Variants in SLC24A2 observed in about 807,000 individuals in gnomAD.
The protein encoded by SLC24A2 is solute carrier family 24 member 2.
A neutral mutation model predicts 62.0 loss-of-function variants in SLC24A2; 36 were observed. The ratio of observed to expected loss-of-function variants is 0.58; its 90% confidence interval spans 0.44 to 0.77. The LOEUF (loss-of-function observed/expected upper bound fraction) is 0.77. Among genes scored for constraint, SLC24A2 ranks in the 30% least tolerant of loss-of-function variants. SLC24A2 has a pLI of 0.00. For missense variants in SLC24A2, 846 were observed against 817.9 expected (o/e 1.03, Z -0.42); for synonymous variants, 358 against 294.0 (o/e 1.22, Z -2.23).
chr9:19,877,913 A>C, the SLC24A2 span, among the ~76,000 whole-genome samples: 1 of 151,968 alleles, frequency 6.6e-6, no homozygotes, highest in Non-Finnish European at 1.5e-5. Context: ...TTATTTTCTT[A>C]TTACTTATTC....
intron 8 of SLC24A2, among the ~76,000 whole-genome samples, chr9:19,548,337 C>G (rs1227773230): frequency 6.6e-6 from 1 of 152,166 alleles, no homozygotes; most frequent in African/African-American, 2.4e-5. Context: ...CATGTGGTCA[C>G]ATAGACCTGG....
the SLC24A2 span, among the ~76,000 whole-genome samples, chr9:19,862,846 C>T: frequency 1.3e-5 from 2 of 151,116 alleles, no homozygotes; most frequent in African/African-American, 2.4e-5. Context: ...CAATGGGTAC[C>T]CAAAAAATAA....
the SLC24A2 span, among the ~76,000 whole-genome samples, chr9:20,071,417 CA>C: frequency 6.6e-6 from 1 of 152,082 alleles, no homozygotes; most frequent in African/African-American, 2.4e-5. Flanking sequence ...GTCTCATGAT[CA>C]AAACAACAGT....
intron 2 of SLC24A2, among the ~76,000 whole-genome samples, chr9:19,649,361 G>C (rs372716873): frequency 2.0e-5 from 3 of 151,912 alleles, no homozygotes; most frequent in African/African-American, 7.3e-5. Context: ...AATATGTTGG[G>C]TATTACAAAA....
chr9:19,836,103 A>G, the SLC24A2 span, among the ~76,000 whole-genome samples: 2 of 152,194 alleles, frequency 1.3e-5, no homozygotes, highest in African/African-American at 4.8e-5. Context: ...TTATAGCACT[A>G]AATGCCCACA....
chr9:19,907,231 G>T, the SLC24A2 span, among the ~76,000 whole-genome samples: 2 of 152,160 alleles, frequency 1.3e-5, no homozygotes, highest in South Asian at 4.1e-4. Flanking sequence ...AAAACCATAT[G>T]ATTATCTCAA....
At chr9:20,079,760 T>A in the SLC24A2 span, among the ~76,000 whole-genome samples, 1 of 152,204 alleles carries the variant, frequency 6.6e-6, no homozygotes, top group Non-Finnish European at 1.5e-5. Context: ...AGAATGCTTG[T>A]GATTTTTGCA....
chr9:20,005,205 A>G, the SLC24A2 span, among the ~76,000 whole-genome samples: 1 of 152,188 alleles, frequency 6.6e-6, no homozygotes, highest in African/African-American at 2.4e-5. Context: ...CTTTATCCAT[A>G]ATTAATCACA....
Position 19,516,137 on chromosome 9 carries a change from G to T in SLC24A2, c.*16C>A, listed in dbSNP as rs141099150. The stretch of plus-strand genomic sequence containing the variant: ...GGGACCATTCATGCTGCTGGTGCAA[G>T]ATATGGCTTTTCCTGCTAGATGGAG... On this transcript the variant is annotated 3_prime_UTR_variant, in exon 11 of 11. Transcript: ENST00000341998. 7.9e-5 allele frequency: 128 copies of T among 1,614,018 alleles called. No individual in the cohort carries two copies. In the African/African-American group the frequency reaches 1.6e-3, roughly 20 times the overall value.
At chr9:20,138,688 C>T in the SLC24A2 span, among the ~76,000 whole-genome samples, 425 of 152,298 alleles carry the variant, frequency 2.8e-3, 2 homozygotes, top group Middle Eastern at 0.02. Flanking sequence ...CATGTAGGAG[C>T]TGTATTTTCT....
chr9:19,609,783 T>C (rs1837094983), intron 4 of SLC24A2, among the ~76,000 whole-genome samples: 1 of 151,944 alleles, frequency 6.6e-6, no homozygotes, highest in Admixed American at 6.6e-5. Context: ...CATGGGTGGG[T>C]GTGGGGTGAG....
chr9:19,668,690 A>C (rs896966962), intron 2 of SLC24A2, among the ~76,000 whole-genome samples: 1 of 152,158 alleles, frequency 6.6e-6, no homozygotes, highest in African/African-American at 2.4e-5. Flanking sequence ...TTGAAATAAT[A>C]GTTTCCTCTC....
the SLC24A2 span, among the ~76,000 whole-genome samples, chr9:20,074,357 T>A: frequency 6.6e-6 from 1 of 152,078 alleles, no homozygotes; most frequent in East Asian, 1.9e-4. Context: ...GAAATTGACA[T>A]GGCATCATTG....
the SLC24A2 span, among the ~76,000 whole-genome samples, chr9:19,942,313 T>C: frequency 0.25 from 37,890 of 152,086 alleles, 5,713 homozygotes; most frequent in South Asian, 0.39. Flanking sequence ...AAGATTCAAG[T>C]ACTAAAGATT....
the SLC24A2 span, among the ~76,000 whole-genome samples, chr9:20,268,412 T>C: frequency 2.0e-5 from 3 of 152,184 alleles, no homozygotes; most frequent in African/African-American, 7.2e-5. Flanking sequence ...GCTCTGTCCT[T>C]GTGAATGGAC....
In SLC24A2 at chr9:19,767,145, G is replaced by A. The variant is rs145699222; in HGVS notation, c.930+18792C>T. Among the ~76,000 whole-genome samples the A allele has an allele frequency of 9.2e-3, 1,407 of 152,200 alleles. 24 individuals carry two copies. The highest frequency in any genetic ancestry group is 0.063 in the South Asian group (305 of 4,812). The stretch of plus-strand genomic sequence containing the variant: ...TAGTCACGGCAGGCACCCCTCCCCC[G>A]ATCAAGCTCAAGTGTTCCAGGTCGA... On this transcript the variant is annotated intron_variant, in intron 2 of 10. Coordinates refer to ENST00000341998, the MANE Select transcript of SLC24A2 (RefSeq NM_020344.4).
the SLC24A2 span, among the ~76,000 whole-genome samples, chr9:20,004,623 T>C: frequency 6.6e-6 from 1 of 152,228 alleles, no homozygotes; most frequent in South Asian, 2.1e-4. Context: ...CATTAATATA[T>C]TTAAATTTGT....
At chr9:20,173,269 A>G in the SLC24A2 span, among the ~76,000 whole-genome samples, 1 of 152,112 alleles carries the variant, frequency 6.6e-6, no homozygotes, top group Non-Finnish European at 1.5e-5. Flanking sequence ...GAGAACTGGA[A>G]CAAGACAAAG....
At chr9:19,933,343 A>G in the SLC24A2 span, among the ~76,000 whole-genome samples, 1 of 152,180 alleles carries the variant, frequency 6.6e-6, no homozygotes, top group Non-Finnish European at 1.5e-5. Context: ...TTAGATCACA[A>G]GTTAAGAACT....
Sources: allele counts gnomAD v4.1 joint callset (sites outside exome capture counted in the v4.1 genomes callset), GRCh38; gene constraint gnomAD v4.1.1; transcripts MANE v1.5; gene names NCBI Gene and HGNC (gene_info 2026-07-23, HGNC 2026-07-21).